TTLL8: variants seen among roughly 807,000 people sequenced by gnomAD.
The protein encoded by TTLL8 is tubulin tyrosine ligase like 8, also known as protein monoglycylase TTLL8.
Under a neutral mutation model 77.8 loss-of-function variants are expected in TTLL8, and 65 were observed. The observed-to-expected ratio is 0.84, with a 90% confidence interval of 0.68 to 1.03. TTLL8 has a LOEUF of 1.03. Among genes scored for constraint, TTLL8 ranks in the 50% least tolerant of loss-of-function variants. The probability of loss-of-function intolerance (pLI) is 0.00; values close to 1 mark genes in which losing one functional copy is unlikely to be tolerated. For missense variants in TTLL8, 910 were observed against 1,004.5 expected (o/e 0.91, Z 1.27); for synonymous variants, 402 against 422.8 (o/e 0.95, Z 0.60).
intron 8 of TTLL8, among the ~76,000 whole-genome samples, chr22:50,035,966 T>C (rs1407077457): frequency 6.6e-6 from 1 of 152,220 alleles, no homozygotes; most frequent in African/African-American, 2.4e-5. Context: ...GAGAAGGCTG[T>C]GAGCAGTGAG....
intron 12 of TTLL8, among the ~76,000 whole-genome samples, chr22:50,025,588 C>T (rs898935334): frequency 3.3e-5 from 5 of 152,088 alleles, no homozygotes; most frequent in African/African-American, 9.7e-5. Context: ...TGCCGTGAGC[C>T]GAGATCGTGC....
Position 50,034,418 on chromosome 22 carries a change from C to T in TTLL8, c.966G>A (p.Thr322=), listed in dbSNP as rs765116228. ...AGATGTTCCGGAGCCCGTCAATGTC[C>T]GTCTGAGGGTTCACAGACGTGATTC... The change falls in exon 9 of 14, where the codon ACG becomes ACA. Residue 322 remains threonine (T), a synonymous_variant. Coordinates refer to ENST00000266182, the Ensembl canonical transcript of TTLL8. The surrounding 1 kb of genome is among the most constrained non-coding windows in gnomAD (Gnocchi z 4.1). 1.3e-5 allele frequency: 18 copies of T among 1,367,236 alleles called. No homozygotes were observed. Among genetic ancestry groups the T allele is most frequent in the African/African-American group, 4.4e-5 (3 of 67,764 alleles). The allele number at this position is 1,367,236 out of a possible 1,614,324, so 84.7% of individuals were successfully genotyped here.
intron 1 of TTLL8, among the ~76,000 whole-genome samples, chr22:50,054,300 T>C (rs1311984622): frequency 6.6e-6 from 1 of 152,118 alleles, no homozygotes; most frequent in Non-Finnish European, 1.5e-5. Context: ...TCAGCTCCCA[T>C]TTACAGAACA....
At chr22:50,033,810 G>T (rs1421724873) in intron 9 of TTLL8, among the ~76,000 whole-genome samples, 1 of 152,184 alleles carries the variant, frequency 6.6e-6, no homozygotes, top group African/African-American at 2.4e-5. Context: ...CGAGGCAGGT[G>T]AATCACTTGA....
rs1230632699 is a variant in TTLL8, at chr22:50,019,716, A to G, written c.2204-3154T>C. Among the ~76,000 whole-genome samples, 3 of 152,194 alleles carry G rather than the reference A, an allele frequency of 2.0e-5. No individual in the cohort carries two copies. In the East Asian group the frequency reaches 5.8e-4, roughly 29 times the overall value. ...TCAGAAGCATCCCTGAAGCAGCACC[A>G]TGCCGAGGAGCCCTTCTCGGACTCC... On this transcript the variant is annotated intron_variant, in intron 12 of 13. Coordinates refer to ENST00000266182, the Ensembl canonical transcript of TTLL8.
chr22:50,048,102 AC>A (rs951700211), intron 3 of TTLL8, among the ~76,000 whole-genome samples: 1 of 139,072 alleles, frequency 7.2e-6, no homozygotes, highest in African/African-American at 2.7e-5. Flanking sequence ...ATCTGAAAAC[AC>A]CCCCCCAAAA....
At chr22:50,032,832 G>A (rs540714447) in intron 10 of TTLL8, among the ~76,000 whole-genome samples, 1 of 152,286 alleles carries the variant, frequency 6.6e-6, no homozygotes, top group South Asian at 2.1e-4. Flanking sequence ...ACCCTGGGCA[G>A]CACACTTGCG....
intron 9 of TTLL8, 92 bp from the exon 11 acceptor site, chr22:50,033,537 C>G: frequency 8.7e-7 from 1 of 1,155,754 alleles, no homozygotes; most frequent in South Asian, 1.4e-5. Flanking sequence ...CAGCTTGGCC[C>G]TGAGACCTGC....
intron 12 of TTLL8, among the ~76,000 whole-genome samples, chr22:50,021,919 A>G (rs1170004318): frequency 3.6e-5 from 3 of 83,516 alleles, no homozygotes; most frequent in East Asian, 7.6e-4. Context: ...GATGATGTGT[A>G]CTCCTCCACC....
chr22:50,046,774 C>T (rs1335598056), intron 4 of TTLL8, among the ~76,000 whole-genome samples: 1 of 152,222 alleles, frequency 6.6e-6, no homozygotes, highest in East Asian at 1.9e-4. Context: ...AAGGGTGTGG[C>T]AAGCTGCTTT....
exon 12 of TTLL8, chr22:50,030,816 G>T: frequency 7.4e-7 from 1 of 1,348,904 alleles, no homozygotes; most frequent in South Asian, 1.2e-5. Context: ...CAACAGCGAG[G>T]CCGAGGCCTT....
At chr22:50,025,795 A>T (rs2061226997) in intron 12 of TTLL8, among the ~76,000 whole-genome samples, 1 of 152,236 alleles carries the variant, frequency 6.6e-6, no homozygotes, top group Non-Finnish European at 1.5e-5. Context: ...AGTGCTCAGC[A>T]TGGCTAGTCA....
chr22:50,045,857 C>T, exon 5 of TTLL8: 2 of 1,347,176 alleles, frequency 1.5e-6, no homozygotes, highest in Non-Finnish European at 2.0e-6. Context: ...CTCACTTACC[C>T]AGGAACTCCT....
At chr22:50,052,897 CA>C (rs879806551) in intron 1 of TTLL8, among the ~76,000 whole-genome samples, 5 of 152,104 alleles carry the variant, frequency 3.3e-5, no homozygotes, top group African/African-American at 9.7e-5. Flanking sequence ...TTGAACAACT[CA>C]AATAACAAAC....
chr22:50,045,571 C>T (rs957372628), intron 5 of TTLL8, among the ~76,000 whole-genome samples, 182 bp from the exon 8 acceptor site: 3 of 152,170 alleles, frequency 2.0e-5, no homozygotes, highest in African/African-American at 7.2e-5. Flanking sequence ...TCTGTGACTG[C>T]GGCCGTCCAG....
Position 50,041,493 on chromosome 22 carries a change from C to G in TTLL8, c.830+128G>C. ...CAACGCCAGGACAGGCATCTCAACA[C>G]TCAATACCCCACAGGTAGCCTAATG... is the stretch of plus-strand genomic sequence containing the variant. On this transcript the variant is annotated intron_variant, in intron 7 of 13. Transcript: ENST00000266182. The surrounding 1 kb of genome is among the most constrained non-coding windows in gnomAD (Gnocchi z 4.3). The G allele has an allele frequency of 1.6e-6, 2 of 1,213,618 alleles. No homozygotes were observed. Among genetic ancestry groups the G allele is most frequent in the Non-Finnish European group, 2.1e-6 (2 of 948,802 alleles). The allele number at this position is 1,213,618 out of a possible 1,614,324, so 75.2% of individuals were successfully genotyped here.
In TTLL8 at chr22:50,041,805, C is replaced by T; in HGVS notation, c.646G>A (p.Ala216Thr). 7.4e-7 allele frequency: 1 copy of T among 1,360,428 alleles called. No individual in the cohort carries two copies. The highest frequency in any genetic ancestry group is 9.8e-7 in the Non-Finnish European group (1 of 1,019,444). The allele number at this position is 1,360,428 out of a possible 1,614,324, so 84.3% of individuals were successfully genotyped here. A position where few individuals can be genotyped will look rare whatever the true frequency, so the allele number is the denominator to read the frequency against. The change falls in exon 7 of 14, where the codon GCT becomes ACT. Residue 216 changes from alanine (A) to threonine (T), a missense_variant and splice_region_variant. Ala to Thr is a moderately conservative substitution (Grantham distance 58). Coordinates refer to ENST00000266182, the Ensembl canonical transcript of TTLL8. This position sits in a 1 kb window ranked among gnomAD's most constrained non-coding sequence, Gnocchi z 4.3. ...CTGAGCTTTGCCTCAGCATTTTCAG[C>T]ATCTGAAACCCAGACACAGGCACAT...
At position 50,041,109 on chromosome 22, in the gene TTLL8, C is replaced by A. The variant is rs2061367424; in HGVS notation, c.921+78G>T. On this transcript the variant is annotated intron_variant, in intron 8 of 13. Coordinates refer to ENST00000266182, the Ensembl canonical transcript of TTLL8. This position sits in a 1 kb window ranked among gnomAD's most constrained non-coding sequence, Gnocchi z 4.3. ...TCGCCAGCTGCCAGGAGCTCTGGGC[C>A]CAGGCACACCTCTGCCAGTCACTCA... 1 of 359,896 alleles carries A rather than the reference C, an allele frequency of 2.8e-6. No homozygotes were observed. The highest frequency in any genetic ancestry group is 3.9e-5 in the Admixed American group (1 of 25,422). 22.3% of individuals were successfully genotyped at this position (359,896 alleles called of 1,614,324 possible).
chr22:50,033,345 C>T, exon 10 of TTLL8: 4 of 1,365,416 alleles, frequency 2.9e-6, no homozygotes, highest in Non-Finnish European at 3.9e-6. Flanking sequence ...GCAGCGGCGT[C>T]TCGATGTACT....
Sources: gnomAD v4.1 joint callset for allele counts (sites outside exome capture counted in the v4.1 genomes callset) on GRCh38, gnomAD v4.1.1 for gene constraint, Gnocchi (gnomAD v3.1) non-coding constraint, MANE v1.5 for transcripts, NCBI Gene and HGNC (gene_info 2026-07-23, HGNC 2026-07-21) for gene names.